The following EIF4G3 variants were observed in gnomAD, a reference collection of about 807,000 sequenced individuals.
EIF4G3 encodes eIF-4-gamma 3.
EIF4G3 carries 34 observed loss-of-function variants against 186.4 expected under a neutral mutation model. The observed-to-expected ratio is 0.18, with a 90% confidence interval of 0.14 to 0.24. EIF4G3 has a LOEUF of 0.24. Among genes scored for constraint, EIF4G3 ranks in the 10% least tolerant of loss-of-function variants. The pLI is 1.00. For missense variants in EIF4G3, 1,536 were observed against 1,948.5 expected (o/e 0.79, Z 3.99); for synonymous variants, 673 against 679.5 (o/e 0.99, Z 0.15).
chr1:21,106,817 ACT>A lies in EIF4G3; in HGVS notation c.-271-17606_-271-17605del, dbSNP rs1417973808. On this transcript the variant is annotated intron_variant, in intron 2 of 36. Coordinates refer to ENST00000602326, the MANE Select transcript of EIF4G3 (RefSeq NM_001391906.1). ...TAAAGCAACTTGCAGAGAAGTGGCC[ACT>A]GAGGTTGGAGGAAAACCAACAGATG... 3.9e-5 allele frequency among the ~76,000 whole-genome samples: 6 copies of A among 152,344 alleles called. No homozygotes were observed. In the East Asian group the frequency reaches 1.2e-3, roughly 29 times the overall value.
intron 14 of EIF4G3, among the ~76,000 whole-genome samples, chr1:20,924,705 A>C (rs1393120389): frequency 6.6e-6 from 1 of 152,156 alleles, no homozygotes; most frequent in Non-Finnish European, 1.5e-5. Flanking sequence ...AGCTGGAACT[A>C]CGTGCACTAC....
At chr1:20,873,186 C>A (rs781533173) in intron 20 of EIF4G3, among the ~76,000 whole-genome samples, 1 of 152,206 alleles carries the variant, frequency 6.6e-6, no homozygotes, top group Non-Finnish European at 1.5e-5. Context: ...CTCAAACTTA[C>A]TCTTGTGAGA....
chr1:21,147,198 G>A (rs2097458086), intron 2 of EIF4G3, among the ~76,000 whole-genome samples: 1 of 151,666 alleles, frequency 6.6e-6, no homozygotes, highest in Admixed American at 6.6e-5. Context: ...GGAGGCGGAG[G>A]TTGCAGTGAG....
chr1:20,864,225 A>G (rs2077070252), intron 22 of EIF4G3, among the ~76,000 whole-genome samples: 1 of 152,216 alleles, frequency 6.6e-6, no homozygotes, highest in South Asian at 2.1e-4. Context: ...GAAGAAGAAA[A>G]AAGAATATGG....
chr1:20,828,819 T>C (rs1328243722), intron 31 of EIF4G3, among the ~76,000 whole-genome samples: 1 of 152,140 alleles, frequency 6.6e-6, no homozygotes, highest in Non-Finnish European at 1.5e-5. Flanking sequence ...TATAACTACT[T>C]ACAGCACTAC....
intron 3 of EIF4G3, among the ~76,000 whole-genome samples, chr1:21,052,127 C>T (rs1212286924): frequency 6.6e-6 from 1 of 152,036 alleles, no homozygotes; most frequent in Non-Finnish European, 1.5e-5. Context: ...GAAAAATAAT[C>T]AGCATGTTTT....
chr1:20,807,418 C>T lies in EIF4G3; in HGVS notation c.4827G>A (p.Lys1609=), dbSNP rs775631377. The stretch of plus-strand genomic sequence containing the variant: ...CCTTCCCATTCTGCTCTGCAGGGTC[C>T]TTGCTGCTCTCCCATTTGTAGAAGG... ...EDAFYKWESS[K]DPAEQNGKGV... The change falls in exon 37 of 37, where the codon AAG becomes AAA. Residue 1609 remains lysine (K), a synonymous_variant. Transcript: ENST00000602326. 1.2e-6 allele frequency: 2 copies of T among 1,612,792 alleles called. No homozygotes were observed. The highest frequency in any genetic ancestry group is 2.2e-5 in the South Asian group (2 of 90,928).
chr1:21,098,359 T>C (rs1420822849), intron 2 of EIF4G3, among the ~76,000 whole-genome samples: 1 of 151,588 alleles, frequency 6.6e-6, no homozygotes, highest in African/African-American at 2.4e-5. Context: ...CTGGGCAAGA[T>C]GGTGAAACTG....
chr1:21,159,431 TA>T (rs71014164), intron 2 of EIF4G3, among the ~76,000 whole-genome samples: 4,589 of 122,188 alleles, frequency 0.038, 79 homozygotes, highest in Middle Eastern at 0.052. Context: ...AGCAAGGGTT[TA>T]AAAAAAAAAA....
chr1:21,057,760 T>C (rs561629023), intron 3 of EIF4G3, among the ~76,000 whole-genome samples: 1 of 152,240 alleles, frequency 6.6e-6, no homozygotes, highest in African/African-American at 2.4e-5. Context: ...ATCACTTACA[T>C]TGGTATTATA....
intron 4 of EIF4G3, among the ~76,000 whole-genome samples, chr1:21,021,520 T>C (rs945443002): frequency 6.6e-6 from 1 of 152,108 alleles, no homozygotes; most frequent in Admixed American, 6.6e-5. Flanking sequence ...AGCATAACAG[T>C]AACCATACTC....
At chr1:20,820,455 T>C (rs116064032) in intron 33 of EIF4G3, among the ~76,000 whole-genome samples, 4,978 of 152,118 alleles carry the variant, frequency 0.033, 161 homozygotes, top group East Asian at 0.12. Context: ...TGGAGTGGGG[T>C]TGGGACCAAG....
At chr1:21,117,753 A>AAAT (rs1462275681) in intron 2 of EIF4G3, among the ~76,000 whole-genome samples, 4 of 149,508 alleles carry the variant, frequency 2.7e-5, no homozygotes, top group African/African-American at 9.8e-5. Flanking sequence ...AAAAAAAAAA[A>AAAT]AAAAAAAATT....
chr1:21,075,460 T>C (rs2095557290), intron 3 of EIF4G3, among the ~76,000 whole-genome samples: 1 of 150,204 alleles, frequency 6.7e-6, no homozygotes, highest in Non-Finnish European at 1.5e-5. Flanking sequence ...TCCCAGCTAC[T>C]TGGGAGGTTC....
chr1:20,824,071 T>C (rs1199394631), intron 33 of EIF4G3, among the ~76,000 whole-genome samples: 3 of 152,264 alleles, frequency 2.0e-5, no homozygotes, highest in Non-Finnish European at 4.4e-5. Flanking sequence ...ATGTGTCCTT[T>C]GGGCAATATG....
intron 4 of EIF4G3, among the ~76,000 whole-genome samples, chr1:21,029,095 G>A (rs1347119201): frequency 6.6e-6 from 1 of 151,994 alleles, no homozygotes; most frequent in Non-Finnish European, 1.5e-5. Flanking sequence ...CCGGCTCACT[G>A]CAACCTCCAC....
At chr1:20,815,997 A>C in intron 34 of EIF4G3, among the ~76,000 whole-genome samples, 1 of 47,948 alleles carries the variant, frequency 2.1e-5, no homozygotes, top group South Asian at 2.1e-3. Flanking sequence ...GGCCGCCCCT[A>C]CTGGGAAGTG....
intron 15 of EIF4G3, among the ~76,000 whole-genome samples, chr1:20,903,699 A>G (rs1446956533): frequency 6.6e-6 from 1 of 152,188 alleles, no homozygotes; most frequent in Non-Finnish European, 1.5e-5. Flanking sequence ...ACACAGCATC[A>G]TGTAACAGCA....
chr1:20,862,406 T>C (rs1490793034), intron 22 of EIF4G3, 74 bp from the exon 23 acceptor site: 2 of 911,854 alleles, frequency 2.2e-6, no homozygotes, highest in African/African-American at 3.4e-5. Context: ...CAGTTATTTA[T>C]TTATGTAGTT....
Sources: gnomAD v4.1 joint callset for allele counts (sites outside exome capture counted in the v4.1 genomes callset) on GRCh38, gnomAD v4.1.1 for gene constraint, MANE v1.5 for transcripts, NCBI Gene and HGNC (gene_info 2026-07-23, HGNC 2026-07-21) for gene names.